Variants in LHPP observed in about 807,000 individuals in gnomAD.
LHPP encodes the protein phospholysine phosphohistidine inorganic pyrophosphate phosphatase.
Under a neutral mutation model 30.3 loss-of-function variants are expected in LHPP, and 24 were observed. The ratio of observed to expected loss-of-function variants is 0.79; its 90% CI spans 0.57 to 1.11. The LOEUF is 1.11. Among genes scored for constraint, LHPP ranks in the 50% most tolerant of loss-of-function variants. The pLI is 0.00. For missense variants in LHPP, 356 were observed against 367.2 expected (o/e 0.97, Z 0.25); for synonymous variants, 150 against 157.1 (o/e 0.95, Z 0.34).
intron 6 of LHPP, among the ~76,000 whole-genome samples, chr10:124,554,700 C>T (rs531113588): frequency 2.4e-4 from 36 of 152,322 alleles, no homozygotes; most frequent in African/African-American, 6.5e-4. Context: ...GTCTGCACCT[C>T]GCTTACTCCT....
Position 124,505,639 on chromosome 10 carries a change from C to T in LHPP, c.624+7511C>T, listed in dbSNP as rs139716380. Among the ~76,000 whole-genome samples the T allele has an allele frequency of 8.1e-3, 1,237 of 152,292 alleles. 12 individuals are homozygous for T. The highest frequency in any genetic ancestry group is 0.029 in the African/African-American group (1,197 of 41,548). ...CAGTAATAAGGCAAAGAATAACATACCTTAAAGGTTACTTCTAGAAATATC... is the reference window on the plus strand; with the variant it reads ...CAGTAATAAGGCAAAGAATAACATATCTTAAAGGTTACTTCTAGAAATATC... On this transcript the variant is annotated intron_variant, in intron 5 of 6. Transcript: ENST00000368842.
In LHPP at chr10:124,461,994, G is replaced by A; in HGVS notation, c.125+7G>A. On this transcript the variant is annotated splice_region_variant and intron_variant, in intron 1 of 6. Transcript: ENST00000368842. ...CGGTGGAGGCGGTGGCCAGGTGAGT[G>A]GGCCCCGGGACGCCGCTGGGGCCGC... The A allele has an allele frequency of 8.3e-7, 1 of 1,212,044 alleles. No individual in the cohort carries two copies. 75.1% of individuals were successfully genotyped at this position (1,212,044 alleles called of 1,614,324 possible). A position where few individuals can be genotyped will look rare whatever the true frequency, so the allele number is the denominator to read the frequency against.
At chr10:124,473,712 G>A (rs572561186) in intron 1 of LHPP, among the ~76,000 whole-genome samples, 12 of 152,288 alleles carry the variant, frequency 7.9e-5, no homozygotes, top group African/African-American at 2.6e-4. Flanking sequence ...CAGCACTTTG[G>A]GAGGCCGAGG....
intron 6 of LHPP, among the ~76,000 whole-genome samples, chr10:124,579,349 C>T (rs1948715564): frequency 6.6e-6 from 1 of 152,232 alleles, no homozygotes; most frequent in South Asian, 2.1e-4. Context: ...TTCGCGGACA[C>T]GGCGCCAACA....
intron 5 of LHPP, among the ~76,000 whole-genome samples, chr10:124,504,599 C>CAAA (rs59159229): frequency 0.16 from 16,564 of 105,420 alleles, 1,298 homozygotes; most frequent in East Asian, 0.3. Flanking sequence ...GACCCTGTCT[C>CAAA]AAAAAAAAAA....
intron 6 of LHPP, among the ~76,000 whole-genome samples, chr10:124,578,031 C>G (rs891115487): frequency 6.6e-6 from 1 of 152,168 alleles, no homozygotes; most frequent in African/African-American, 2.4e-5. Flanking sequence ...GCCAGGTGTG[C>G]TAGAGTGGCC....
At position 124,517,903 on chromosome 10, in the gene LHPP, G is replaced by T. The variant is rs1954499515; in HGVS notation, c.716+632G>T. Among the ~76,000 whole-genome samples, 1 of 152,234 alleles carries T rather than the reference G, an allele frequency of 6.6e-6. No homozygotes were observed. Among genetic ancestry groups the T allele is most frequent in the African/African-American group, 2.4e-5 (1 of 41,450 alleles). ...GTCATCGAGAGGATCTTGGACATCA[G>T]AGTGTTGCCTTGCCTTATGCTAGAT... On this transcript the variant is annotated intron_variant, in intron 6 of 6. Coordinates refer to ENST00000368842, the MANE Select transcript of LHPP (RefSeq NM_022126.4). The surrounding 1 kb of genome is among the most constrained non-coding windows in gnomAD (Gnocchi z 4.1).
At chr10:124,499,786 C>A (rs537983593) in intron 5 of LHPP, among the ~76,000 whole-genome samples, 1 of 152,086 alleles carries the variant, frequency 6.6e-6, no homozygotes, top group African/African-American at 2.4e-5. Flanking sequence ...CCCCTGTGTG[C>A]ATTTCGGTCC....
At position 124,568,768 on chromosome 10, in the gene LHPP, G is replaced by A. The variant is rs530380769; in HGVS notation, c.717-44496G>A. Among the ~76,000 whole-genome samples, 205 of 152,296 alleles carry A rather than the reference G, an allele frequency of 1.3e-3. 1 individual carries two copies. The highest frequency in any genetic ancestry group is 4.8e-3 in the African/African-American group (198 of 41,574). ...GGGCAGTGAGGAGGAGGCCAGCTTT[G>A]GAGTGGTCACCCTCACCTCGCCGTT... On this transcript the variant is annotated intron_variant, in intron 6 of 6. Coordinates refer to ENST00000368842, the MANE Select transcript of LHPP (RefSeq NM_022126.4).
intron 3 of LHPP, among the ~76,000 whole-genome samples, chr10:124,491,087 A>G (rs1953513119): frequency 6.6e-6 from 1 of 151,892 alleles, no homozygotes; most frequent in South Asian, 2.1e-4. Context: ...AGAGTTTTGG[A>G]ATCACAGGGT....
At chr10:124,467,262 A>G (rs1204693221) in intron 1 of LHPP, among the ~76,000 whole-genome samples, 1 of 151,950 alleles carries the variant, frequency 6.6e-6, no homozygotes, top group East Asian at 1.9e-4. Flanking sequence ...GAAGGCATGA[A>G]TTAAAGAGGT....
chr10:124,518,069 A>G (rs2133911769), intron 6 of LHPP, among the ~76,000 whole-genome samples: 1 of 152,332 alleles, frequency 6.6e-6, no homozygotes, highest in East Asian at 1.9e-4. Flanking sequence ...AGGCAGGACC[A>G]GAGAAGACAG....
In LHPP at chr10:124,596,694, C is replaced by T. The variant is rs1382511479; in HGVS notation, c.717-16570C>T. ...CTATGAGCAGGGGGACACCATGAAG[C>T]TGGGTGGACGGGTGGGGAGGCCCGA... On this transcript the variant is annotated intron_variant, in intron 6 of 6. Transcript: ENST00000368842. The surrounding 1 kb of genome is among the most constrained non-coding windows in gnomAD (Gnocchi z 4.6). Among the ~76,000 whole-genome samples, 1 of 152,166 alleles carries T rather than the reference C, an allele frequency of 6.6e-6. No homozygotes were observed. The highest frequency in any genetic ancestry group is 1.5e-5 in the Non-Finnish European group (1 of 68,018).
chr10:124,487,880 GGAA>G (rs1309486961), intron 2 of LHPP, among the ~76,000 whole-genome samples: 1 of 152,182 alleles, frequency 6.6e-6, no homozygotes, highest in African/African-American at 2.4e-5. Context: ...TTAAAATGGG[GGAA>G]GACAAAGAAG....
chr10:124,554,044 G>T (rs915576306), intron 6 of LHPP: 2 of 985,348 alleles, frequency 2.0e-6, no homozygotes, highest in South Asian at 4.7e-5. Flanking sequence ...ATAGAAGAAG[G>T]CCTCGAGCCT....
chr10:124,533,995 C>T (rs1274838262), intron 6 of LHPP, among the ~76,000 whole-genome samples: 1 of 151,958 alleles, frequency 6.6e-6, no homozygotes, highest in Admixed American at 6.5e-5. Flanking sequence ...TGGTCGATGC[C>T]CTGCCCATGC....
chr10:124,565,286 T>G (rs1222490927), intron 6 of LHPP, among the ~76,000 whole-genome samples: 2 of 152,288 alleles, frequency 1.3e-5, no homozygotes, highest in East Asian at 3.9e-4. Flanking sequence ...GTTTGTTGCT[T>G]GCTGCTCGCT....
chr10:124,481,346 G>A (rs1283522050), intron 1 of LHPP, among the ~76,000 whole-genome samples: 1 of 151,392 alleles, frequency 6.6e-6, no homozygotes. Flanking sequence ...CTCACTGGTG[G>A]GGAATCGTGC....
At chr10:124,572,366 C>T (rs1158633158) in intron 6 of LHPP, among the ~76,000 whole-genome samples, 3 of 152,022 alleles carry the variant, frequency 2.0e-5, no homozygotes, top group Non-Finnish European at 4.4e-5. Context: ...TGCGGTGGCT[C>T]ACGCCTGTAA....
Sources: gnomAD v4.1 joint callset for allele counts (sites outside exome capture counted in the v4.1 genomes callset) on GRCh38, gnomAD v4.1.1 for gene constraint, Gnocchi (gnomAD v3.1) non-coding constraint, MANE v1.5 for transcripts, NCBI Gene and HGNC (gene_info 2026-07-23, HGNC 2026-07-21) for gene names.